Variants in DAB1 observed in about 807,000 individuals in gnomAD.
DAB1 encodes DAB adaptor protein 1.
A neutral mutation model predicts 64.6 loss-of-function variants in DAB1; 15 were observed. The ratio of observed to expected loss-of-function variants is 0.23; its 90% CI spans 0.16 to 0.36. The LOEUF is 0.36. DAB1 is among the 10% of genes least tolerant of loss of function. The pLI, the probability that DAB1 is intolerant of heterozygous loss-of-function variation, is 1.00. For missense variants in DAB1, 596 were observed against 706.7 expected (o/e 0.84, Z 1.78); for synonymous variants, 235 against 251.9 (o/e 0.93, Z 0.64).
At chr1:57,399,082 C>A (rs1455577998) in intron 1 of DAB1, among the ~76,000 whole-genome samples, 1 of 151,814 alleles carries the variant, frequency 6.6e-6, no homozygotes, top group East Asian at 1.9e-4. Context: ...TTGCATAAGC[C>A]AGAGTTGAGG....
At chr1:57,108,893 T>C (rs1401230021) in intron 4 of DAB1, among the ~76,000 whole-genome samples, 2 of 152,162 alleles carry the variant, frequency 1.3e-5, no homozygotes, top group Non-Finnish European at 2.9e-5. Flanking sequence ...ACATCCCCAC[T>C]CCTGCCACCT....
At chr1:57,033,961 A>G (rs1647046042) in intron 9 of DAB1, among the ~76,000 whole-genome samples, 1 of 152,114 alleles carries the variant, frequency 6.6e-6, no homozygotes, top group African/African-American at 2.4e-5. Context: ...ATGTGTTTTT[A>G]TACATGTTGT....
intron 5 of DAB1, among the ~76,000 whole-genome samples, chr1:57,997,931 A>G (rs965936402): frequency 2.0e-5 from 3 of 151,996 alleles, no homozygotes; most frequent in African/African-American, 7.2e-5. Context: ...AACCTTGCAC[A>G]TGAACAAATC....
intron 4 of DAB1, among the ~76,000 whole-genome samples, chr1:58,231,596 T>A (rs1361519391): frequency 1.3e-5 from 2 of 152,198 alleles, no homozygotes; most frequent in Non-Finnish European, 2.9e-5. Flanking sequence ...GGTACAGAGC[T>A]GTGGGCTAGA....
At chr1:57,743,447 T>A (rs1057502401) in intron 6 of DAB1, among the ~76,000 whole-genome samples, 1 of 152,226 alleles carries the variant, frequency 6.6e-6, no homozygotes, top group Non-Finnish European at 1.5e-5. Context: ...TGATAATCCA[T>A]CACCCTTTGC....
intron 1 of DAB1, among the ~76,000 whole-genome samples, chr1:57,303,492 C>A (rs1673849355): frequency 6.6e-6 from 1 of 152,116 alleles, no homozygotes; most frequent in African/African-American, 2.4e-5. Flanking sequence ...AGAGGATATG[C>A]ACAGTCTCTC....
rs1367013671 is a variant in DAB1, at chr1:57,623,525, C to T, written n.625+26067G>A. Among the ~76,000 whole-genome samples, 7 of 152,136 alleles carry T rather than the reference C, an allele frequency of 4.6e-5. No homozygotes were observed. The East Asian group carries it at 1.2e-3, about 25-fold the overall frequency. Reference sequence around the variant, plus strand: ...AAGTGGAATGGATGGTTTTGGAGTACCAGAGTTGGAAGCATCAGCCATACT... The same window carrying T: ...AAGTGGAATGGATGGTTTTGGAGTATCAGAGTTGGAAGCATCAGCCATACT... On this transcript the variant is annotated intron_variant and non_coding_transcript_variant, in intron 7 of 20. Transcript: ENST00000485760.
intron 9 of DAB1, among the ~76,000 whole-genome samples, chr1:57,031,070 C>A (rs1255345408): frequency 1.3e-5 from 2 of 152,194 alleles, no homozygotes; most frequent in Non-Finnish European, 2.9e-5. Context: ...AAATAACCTT[C>A]ATACTTGAGA....
intron 4 of DAB1, among the ~76,000 whole-genome samples, chr1:58,236,720 G>A (rs1033572423): frequency 3.9e-5 from 6 of 152,156 alleles, no homozygotes; most frequent in Non-Finnish European, 5.9e-5. Context: ...TATAGAGAAC[G>A]GCCCTGGGAG....
chr1:58,309,204 T>C (rs748443143), intron 4 of DAB1, among the ~76,000 whole-genome samples: 21 of 152,178 alleles, frequency 1.4e-4, no homozygotes, highest in Non-Finnish European at 2.9e-4. Flanking sequence ...AAATGTTCCA[T>C]ACACAAACAA....
chr1:57,515,565 A>G (rs557099529), intron 7 of DAB1, among the ~76,000 whole-genome samples: 1 of 152,244 alleles, frequency 6.6e-6, no homozygotes, highest in African/African-American at 2.4e-5. Context: ...GAATCCTGAA[A>G]GTCATCTCAA....
intron 1 of DAB1, among the ~76,000 whole-genome samples, chr1:57,375,687 T>C (rs1558265085): frequency 6.6e-6 from 1 of 152,180 alleles, no homozygotes; most frequent in Non-Finnish European, 1.5e-5. Flanking sequence ...TAGGTAACGC[T>C]GACTGCCATG....
intron 2 of DAB1, among the ~76,000 whole-genome samples, chr1:57,187,572 G>C (rs376996503): frequency 1.8e-3 from 277 of 152,278 alleles, no homozygotes; most frequent in African/African-American, 6.6e-3. Flanking sequence ...CACTTCCCTT[G>C]GGGCTGACAA....
At chr1:57,480,024 C>T (rs938744317) in intron 7 of DAB1, among the ~76,000 whole-genome samples, 18 of 151,524 alleles carry the variant, frequency 1.2e-4, no homozygotes, top group South Asian at 8.4e-4. Context: ...TGGTGGCGCG[C>T]GCCTGTAGTC....
chr1:57,046,900 G>A (rs1270726233), intron 9 of DAB1, among the ~76,000 whole-genome samples: 2 of 152,214 alleles, frequency 1.3e-5, no homozygotes, highest in Non-Finnish European at 1.5e-5. Flanking sequence ...AATCTCACAT[G>A]TTCTGGTCTC....
chr1:57,357,673 A>T (rs1376008937), intron 1 of DAB1, among the ~76,000 whole-genome samples: 1 of 152,004 alleles, frequency 6.6e-6, no homozygotes, highest in East Asian at 1.9e-4. Context: ...TAATTGACTC[A>T]GTTCTGCATG....
At chr1:57,564,965 A>G (rs926254036) in intron 7 of DAB1, among the ~76,000 whole-genome samples, 3 of 152,188 alleles carry the variant, frequency 2.0e-5, no homozygotes, top group Non-Finnish European at 4.4e-5. Context: ...TCCAAGACAC[A>G]TAATTGTCAG....
intron 5 of DAB1, chr1:58,048,234 G>C: frequency 3.9e-6 from 5 of 1,268,114 alleles, no homozygotes; most frequent in Non-Finnish European, 1.1e-6. Context: ...TAGCCACCTT[G>C]GTTTCACAGT....
At chr1:58,247,481 C>G (rs1315928806) in intron 4 of DAB1, among the ~76,000 whole-genome samples, 2 of 152,148 alleles carry the variant, frequency 1.3e-5, no homozygotes, top group Non-Finnish European at 2.9e-5. Context: ...CTCCCAGCAC[C>G]AACAGCACAC....
Sources: gnomAD v4.1 joint callset for allele counts (sites outside exome capture counted in the v4.1 genomes callset) on GRCh38, gnomAD v4.1.1 for gene constraint, MANE v1.5 for transcripts, NCBI Gene and HGNC (gene_info 2026-07-23, HGNC 2026-07-21) for gene names.